Variants in CPD observed in about 807,000 individuals in gnomAD.
CPD encodes the protein carboxypeptidase D.
A neutral mutation model predicts 138.3 loss-of-function variants in CPD; 69 were observed. The ratio of observed to expected loss-of-function variants is 0.50; its 90% CI spans 0.41 to 0.61. CPD has a LOEUF of 0.61. CPD is among the 20% of genes least tolerant of loss of function. CPD has a pLI of 0.00. For missense variants in CPD, 1,432 were observed against 1,733.3 expected (o/e 0.83, Z 3.09); for synonymous variants, 651 against 642.1 (o/e 1.01, Z -0.21).
chr17:30,463,700 G>A (rs991233269), intron 20 of CPD, among the ~76,000 whole-genome samples: 2 of 152,202 alleles, frequency 1.3e-5, no homozygotes, highest in Non-Finnish European at 2.9e-5. Flanking sequence ...GGGTTCCTGT[G>A]GGAGAGACCC....
rs1340644996 is a variant in CPD at position 30,467,336 on chromosome 17, G to A, written c.*2522G>A. The A allele has an allele frequency of 6.6e-6, 1 of 152,482 alleles. No individual in the cohort carries two copies. Among genetic ancestry groups the A allele is most frequent in the Non-Finnish European group, 1.5e-5 (1 of 68,024 alleles). 9.4% of individuals were successfully genotyped at this position (152,482 alleles called of 1,614,324 possible). ...GCTCCTTAATAAAAGCAAAGTGATT[G>A]AGTAGGTAATGTTCAAAGTGTCTGC... On this transcript the variant is annotated 3_prime_UTR_variant, in exon 21 of 21. Coordinates refer to ENST00000225719, the MANE Select transcript of CPD (RefSeq NM_001304.5).
At chr17:30,387,386 T>C (rs1368218873) in intron 2 of CPD, among the ~76,000 whole-genome samples, 1 of 152,252 alleles carries the variant, frequency 6.6e-6, no homozygotes, top group East Asian at 1.9e-4. Flanking sequence ...CCCAAAGTGC[T>C]GGAATTATGT....
At chr17:30,411,660 G>A (rs1161610702) in intron 2 of CPD, among the ~76,000 whole-genome samples, 4 of 152,102 alleles carry the variant, frequency 2.6e-5, no homozygotes, top group Non-Finnish European at 5.9e-5. Flanking sequence ...GGCTATTGAA[G>A]CTTGTGCATG....
chr17:30,435,573 A>T (rs1040981552), intron 8 of CPD, among the ~76,000 whole-genome samples: 10 of 152,218 alleles, frequency 6.6e-5, no homozygotes, highest in African/African-American at 1.9e-4. Flanking sequence ...AAATAGGAAT[A>T]CATTTTTGTG....
chr17:30,449,773 T>C (rs1913118705), intron 13 of CPD, 25 bp downstream of exon 13: 1 of 1,531,432 alleles, frequency 6.5e-7, no homozygotes, highest in Non-Finnish European at 8.7e-7. Flanking sequence ...GAGGTTGACA[T>C]GCTTTAAAAG....
intron 6 of CPD, among the ~76,000 whole-genome samples, chr17:30,424,135 A>T (rs1238046859): frequency 6.6e-6 from 1 of 152,112 alleles, no homozygotes; most frequent in Non-Finnish European, 1.5e-5. Context: ...TTAAGAAGAC[A>T]TGAGACATCA....
intron 5 of CPD, among the ~76,000 whole-genome samples, 154 bp from the exon 6 acceptor site, chr17:30,423,352 A>G (rs1212272157): frequency 6.6e-6 from 1 of 152,116 alleles, no homozygotes; most frequent in East Asian, 1.9e-4. Flanking sequence ...AAGCTGCTTT[A>G]TAAGATGTTT....
intron 14 of CPD, 41 bp from the exon 15 acceptor site, chr17:30,455,298 T>A (rs1913264590): frequency 3.9e-6 from 6 of 1,533,782 alleles, no homozygotes; most frequent in Non-Finnish European, 5.3e-6. Flanking sequence ...ATACTAAGAT[T>A]TAAAATTTGA....
Position 30,379,421 on chromosome 17 carries a change from G to C in CPD, c.441G>C (p.Gln147His). 6.4e-7 allele frequency: 1 copy of C among 1,563,872 alleles called. No individual in the cohort carries two copies. The highest frequency in any genetic ancestry group is 1.4e-5 in the African/African-American group (1 of 70,870). Residue 147 changes from glutamine to histidine, a missense_variant, in exon 1 of 21, where the codon CAG becomes CAC. Coordinates refer to ENST00000225719, the MANE Select transcript of CPD (RefSeq NM_001304.5). This position sits in a 1 kb window ranked among gnomAD's most constrained non-coding sequence, Gnocchi z 7.0. Reference sequence around the variant, plus strand: ...ATGGCGACGAGACCGTGTCGCGCCAGGTGTTGATCTACTTGGCCCGCGAGC... The same window carrying C: ...ATGGCGACGAGACCGTGTCGCGCCACGTGTTGATCTACTTGGCCCGCGAGC... ...NMHGDETVSR[Q>H]VLIYLARELA... is the part of the protein sequence containing the mutation.
intron 1 of CPD, among the ~76,000 whole-genome samples, chr17:30,382,718 T>C (rs1911079641): frequency 6.6e-6 from 1 of 152,210 alleles, no homozygotes; most frequent in Non-Finnish European, 1.5e-5. Context: ...AGAAACAGCA[T>C]TTTGTAGAGA....
chr17:30,411,675 A>T (rs751479243), intron 2 of CPD, among the ~76,000 whole-genome samples: 4 of 152,186 alleles, frequency 2.6e-5, no homozygotes, highest in Non-Finnish European at 2.9e-5. Context: ...TGCATGCGTC[A>T]TGAAGTTCTC....
chr17:30,418,043 T>A (rs1912162024), intron 2 of CPD, among the ~76,000 whole-genome samples: 1 of 152,096 alleles, frequency 6.6e-6, no homozygotes, highest in African/African-American at 2.4e-5. Flanking sequence ...GAACCCCCGC[T>A]CCTTTTGGCT....
Position 30,392,582 on chromosome 17 carries a change from C to A in CPD, c.994+7346C>A, listed in dbSNP as rs147495192. On this transcript the variant is annotated intron_variant, in intron 2 of 20. Transcript: ENST00000225719. ...TTCTTTTAGTTTGTTCTATATCATT[C>A]TTTAAAAAATATGTCTGAACCCACT... Among the ~76,000 whole-genome samples the A allele has an allele frequency of 2.5e-3, 375 of 152,232 alleles. 1 individual carries two copies. Among genetic ancestry groups the A allele is most frequent in the African/African-American group, 8.6e-3 (358 of 41,548 alleles).
At chr17:30,443,754 G>T in intron 10 of CPD, 48 bp from the exon 11 acceptor site, 1 of 1,507,422 alleles carries the variant, frequency 6.6e-7, no homozygotes, top group Non-Finnish European at 9.0e-7. Flanking sequence ...AAGATAATTA[G>T]ATGATGATGT....
intron 17 of CPD, among the ~76,000 whole-genome samples, chr17:30,459,201 T>G (rs971032540): frequency 3.2e-5 from 4 of 124,620 alleles, no homozygotes; most frequent in Non-Finnish European, 6.6e-5. Flanking sequence ...TATTTTTTAT[T>G]TATTTTTATT....
chr17:30,446,057 A>G, intron 12 of CPD, 37 bp downstream of exon 12: 3 of 1,332,724 alleles, frequency 2.3e-6, no homozygotes, highest in Non-Finnish European at 3.1e-6. Flanking sequence ...TTTTTTTTTC[A>G]AGACAGTAAA....
chr17:30,378,951 C>A lies in CPD; in HGVS notation c.-30C>A. On this transcript the variant is annotated 5_prime_UTR_variant, in exon 1 of 21. Transcript: ENST00000225719. ...CGCCCGGAGCGCTGAGCCGCGGGAG[C>A]GGAGCCGGGGTTAGCGGCGCTGCTG... 2.8e-6 allele frequency: 4 copies of A among 1,431,186 alleles called. No homozygotes were observed. Among genetic ancestry groups the A allele is most frequent in the Non-Finnish European group, 2.7e-6 (3 of 1,106,864 alleles). The allele number at this position is 1,431,186 out of a possible 1,614,324, so 88.7% of individuals were successfully genotyped here.
intron 7 of CPD, among the ~76,000 whole-genome samples, chr17:30,430,511 A>G (rs1912534729): frequency 6.6e-6 from 1 of 152,200 alleles, no homozygotes; most frequent in Non-Finnish European, 1.5e-5. Flanking sequence ...GTATATACAT[A>G]TGTATATATC....
intron 2 of CPD, among the ~76,000 whole-genome samples, chr17:30,393,946 G>A (rs1011913660): frequency 6.6e-6 from 1 of 151,930 alleles, no homozygotes; most frequent in Non-Finnish European, 1.5e-5. Flanking sequence ...TTTAAGACCT[G>A]GGCAACTGGT....
Sources: allele counts gnomAD v4.1 joint callset (sites outside exome capture counted in the v4.1 genomes callset), GRCh38; gene constraint gnomAD v4.1.1; non-coding constraint Gnocchi (gnomAD v3.1); transcripts MANE v1.5; gene names NCBI Gene and HGNC (gene_info 2026-07-23, HGNC 2026-07-21).